The following SLC29A2 variants were observed in gnomAD, a reference collection of about 807,000 sequenced individuals.
SLC29A2 encodes solute carrier family 29 member 2.
Under a neutral mutation model 48.8 loss-of-function variants are expected in SLC29A2, and 37 were observed. That is an observed-to-expected ratio of 0.76 (90% CI 0.58 to 1.00). The LOEUF is 1.00. Among genes scored for constraint, SLC29A2 ranks in the 50% least tolerant of loss-of-function variants. The pLI is 0.00. For missense variants in SLC29A2, 533 were observed against 578.6 expected (o/e 0.92, Z 0.81); for synonymous variants, 233 against 261.7 (o/e 0.89, Z 1.06).
chr11:66,369,558 G>A (rs981403203), intron 2 of SLC29A2, 26 bp from the exon 3 acceptor site: 25 of 1,612,908 alleles, frequency 1.6e-5, no homozygotes, highest in Non-Finnish European at 2.0e-5. Flanking sequence ...GTGGTGGAGG[G>A]TCAGCACCTC....
chr11:66,363,324 G>C lies in SLC29A2; in HGVS notation c.*112C>G. 2 of 820,194 alleles carry C rather than the reference G, an allele frequency of 2.4e-6. No homozygotes were observed. The highest frequency in any genetic ancestry group is 4.0e-5 in the Admixed American group (2 of 50,264). The allele number at this position is 820,194 out of a possible 1,614,324, so 50.8% of individuals were successfully genotyped here. ...CCGCTGCTGGCAGCCTCAGGCCCAGGGGCCTCCACCCCGCAGAGGCCTGAG... is the reference window on the plus strand; with the variant it reads ...CCGCTGCTGGCAGCCTCAGGCCCAGCGGCCTCCACCCCGCAGAGGCCTGAG... On this transcript the variant is annotated 3_prime_UTR_variant, in exon 12 of 12. Transcript: ENST00000357440.
chr11:66,371,682 G>C lies in SLC29A2; in HGVS notation c.-91C>G. On this transcript the variant is annotated 5_prime_UTR_variant, in exon 1 of 12. Transcript: ENST00000357440. ...GCGGAGGGCCGCAGACCGGTGGGGC[G>C]GGGGGCGGGTCTCCCCAGATTCCGG... 7.6e-7 allele frequency: 1 copy of C among 1,313,576 alleles called. No individual in the cohort carries two copies. The highest frequency in any genetic ancestry group is 1.3e-5 in the South Asian group (1 of 75,278). 81.4% of individuals were successfully genotyped at this position (1,313,576 alleles called of 1,614,324 possible).
In SLC29A2 at chr11:66,368,513, C is replaced by T. The variant is rs1178421355; in HGVS notation, c.550+24G>A. ...CCAAACCTCAGAGGCCACCCCAGCC[C>T]TCCAGCCACCCAAGTGCACTCACTG... On this transcript the variant is annotated intron_variant, in intron 5 of 11. Transcript: ENST00000357440. The T allele has an allele frequency of 2.5e-6, 4 of 1,613,178 alleles. No individual in the cohort carries two copies. The African/African-American group carries it at 5.3e-5, about 22-fold the overall frequency.
chr11:66,366,320 G>A (rs559160207), intron 8 of SLC29A2, 89 bp from the exon 9 acceptor site: 303 of 1,599,676 alleles, frequency 1.9e-4, no homozygotes, highest in Non-Finnish European at 2.5e-4. Flanking sequence ...CAGGACACTT[G>A]GGGCCTGGCC....
chr11:66,371,901 C>A (rs1019050027), upstream of SLC29A2: 2 of 464,310 alleles, frequency 4.3e-6, no homozygotes, highest in African/African-American at 2.1e-5. Context: ...GGAACCCGCC[C>A]GCTCCCCGCA....
intron 2 of SLC29A2, among the ~76,000 whole-genome samples, chr11:66,369,825 G>A (rs1431540101): frequency 6.6e-6 from 1 of 152,200 alleles, no homozygotes; most frequent in African/African-American, 2.4e-5. Flanking sequence ...TCCTGCAGCA[G>A]CTGCTACATT....
At position 66,366,009 on chromosome 11, in the gene SLC29A2, T is replaced by C. The variant is rs760673877; in HGVS notation, c.986A>G (p.Asn329Ser). The change falls in exon 10 of 12, where the codon AAC becomes AGC. Residue 329 changes from asparagine to serine, a missense_variant. Physicochemically the swap from Asn to Ser is conservative, Grantham distance 46. Transcript: ENST00000357440. ...GAAGAGGAGGAAGCAGCAGATGGGG[T>C]TGAAGAACTGACCTGGGAGGGAAAC... ...TSPGKWSQFFNPICCFLLFNI... is the reference protein window; with the variant it reads ...TSPGKWSQFFSPICCFLLFNI... The C allele has an allele frequency of 3.1e-6, 5 of 1,614,082 alleles. No homozygotes were observed. The highest frequency in any genetic ancestry group is 4.2e-6 in the Non-Finnish European group (5 of 1,180,006).
Position 66,362,887 on chromosome 11 carries a change from T to A in SLC29A2, c.*549A>T, listed in dbSNP as rs3177514. Reference sequence around the variant, plus strand: ...TGTGGCCCTGGGGCCCAGGCCCAGCTGGGCTCTGCGGAGTGGGTACAGTAA... The same window carrying A: ...TGTGGCCCTGGGGCCCAGGCCCAGCAGGGCTCTGCGGAGTGGGTACAGTAA... On this transcript the variant is annotated 3_prime_UTR_variant, in exon 12 of 12. Coordinates refer to ENST00000357440, the MANE Select transcript of SLC29A2 (RefSeq NM_001532.3). 1,056 of 177,818 alleles carry A rather than the reference T, an allele frequency of 5.9e-3. 15 individuals carry two copies. The highest frequency in any genetic ancestry group is 0.023 in the African/African-American group (988 of 42,128). The allele number at this position is 177,818 out of a possible 1,614,324, so 11.0% of individuals were successfully genotyped here.
intron 6 of SLC29A2, 75 bp downstream of exon 6, chr11:66,367,695 CCT>C: frequency 1.3e-6 from 2 of 1,506,692 alleles, no homozygotes; most frequent in Non-Finnish European, 1.8e-6. Flanking sequence ...CCTCCCCTGG[CCT>C]CTCTCAGGGC....
At chr11:66,371,356 G>A in intron 1 of SLC29A2, 31 bp from the exon 2 acceptor site, 1 of 1,605,066 alleles carries the variant, frequency 6.2e-7, no homozygotes, top group East Asian at 2.2e-5. Flanking sequence ...GTCACCCCGA[G>A]GACGCACCCG....
intron 11 of SLC29A2, chr11:66,363,776 G>T: frequency 3.5e-6 from 2 of 573,178 alleles, no homozygotes; most frequent in Non-Finnish European, 6.3e-6. Context: ...TCCACAGCCT[G>T]CCCTTTCCAC....
At chr11:66,364,187 C>A in intron 11 of SLC29A2, 38 bp downstream of exon 11, 1 of 1,515,634 alleles carries the variant, frequency 6.6e-7, no homozygotes, top group South Asian at 1.2e-5. Context: ...ACCCACCTCC[C>A]TACTCCCAGC....
At chr11:66,366,403 G>C in intron 8 of SLC29A2, 28 bp downstream of exon 8, 1 of 1,614,122 alleles carries the variant, frequency 6.2e-7, no homozygotes, top group Non-Finnish European at 8.5e-7. Context: ...CCCAAAGATG[G>C]TGGTTGGGGG....
chr11:66,371,815 G>T (rs1856064232), upstream of SLC29A2: 2 of 567,164 alleles, frequency 3.5e-6, no homozygotes, highest in Non-Finnish European at 6.2e-6. Context: ...AGAGGGTCGC[G>T]CCACCCGTCT....
chr11:66,365,899 C>G (rs781657203), intron 10 of SLC29A2, 37 bp downstream of exon 10: 1 of 1,592,776 alleles, frequency 6.3e-7, no homozygotes, highest in Non-Finnish European at 8.6e-7. Flanking sequence ...CAAACTGCTT[C>G]CTAAAACATC....
rs573793815 is a variant in SLC29A2, at chr11:66,369,557, G to T, written c.112-25C>A. 23 of 1,613,014 alleles carry T rather than the reference G, an allele frequency of 1.4e-5. No homozygotes were observed. In the South Asian group the frequency reaches 2.4e-4, roughly 17 times the overall value. On this transcript the variant is annotated intron_variant, in intron 2 of 11. Coordinates refer to ENST00000357440, the MANE Select transcript of SLC29A2 (RefSeq NM_001532.3). ...ACTGCCAGGTGGGGAGGTGGTGGAGGGTCAGCACCTCTCAGCCTTCCCCCG... is the reference window on the plus strand; with the variant it reads ...ACTGCCAGGTGGGGAGGTGGTGGAGTGTCAGCACCTCTCAGCCTTCCCCCG...
Position 66,366,575 on chromosome 11 carries a change from G to C in SLC29A2, c.734-11C>G, listed in dbSNP as rs745562632. On this transcript the variant is annotated splice_polypyrimidine_tract_variant and intron_variant, in intron 7 of 11. Coordinates refer to ENST00000357440, the MANE Select transcript of SLC29A2 (RefSeq NM_001532.3). ...GAATCCCGTTCTCATCTGGGGTGAG[G>C]GGGGACGGGGAAGGGTCATGCTTGT... 2 of 1,613,022 alleles carry C rather than the reference G, an allele frequency of 1.2e-6. No homozygotes were observed. Among genetic ancestry groups the C allele is most frequent in the South Asian group, 2.2e-5 (2 of 91,014 alleles).
At chr11:66,370,663 C>A (rs886974336) in intron 2 of SLC29A2, among the ~76,000 whole-genome samples, 4 of 152,048 alleles carry the variant, frequency 2.6e-5, no homozygotes, top group African/African-American at 9.7e-5. Context: ...CGAGACCATC[C>A]TGGCTAACAC....
chr11:66,371,575 G>A lies in SLC29A2; in HGVS notation c.17C>T (p.Ala6Val), dbSNP rs1169198414. MARGD[A>V]PRDSYHLVGI... ...CGGGCCCACTCACCTGTCCCGCGGG[G>A]CGTCTCCTCGCGCCATGGCCGCCGC... The change falls in exon 1 of 12, where the codon GCC (alanine) becomes GTC (valine). Residue 6 changes from alanine (A) to valine (V), a missense_variant. By Grantham distance (64) the Ala-to-Val change is moderately conservative (BLOSUM62 0). Coordinates refer to ENST00000357440, the MANE Select transcript of SLC29A2 (RefSeq NM_001532.3). 1.9e-6 allele frequency: 3 copies of A among 1,549,472 alleles called. No homozygotes were observed. The highest frequency in any genetic ancestry group is 2.4e-5 in the South Asian group (2 of 84,286).
Sources: gnomAD v4.1 joint callset for allele counts (sites outside exome capture counted in the v4.1 genomes callset) on GRCh38, gnomAD v4.1.1 for gene constraint, MANE v1.5 for transcripts, NCBI Gene and HGNC (gene_info 2026-07-23, HGNC 2026-07-21) for gene names.